The following CCDC63 variants were observed in gnomAD, a reference collection of about 807,000 sequenced individuals.
CCDC63 encodes coiled-coil domain containing 63, also known as coiled-coil domain-containing protein 63.
Under a neutral mutation model 63.6 loss-of-function variants are expected in CCDC63, and 54 were observed. That is an observed-to-expected ratio of 0.85 (90% CI 0.68 to 1.07). CCDC63 has a LOEUF of 1.07. Among genes scored for constraint, CCDC63 ranks in the 50% least tolerant of loss-of-function variants. CCDC63 has a pLI of 0.00. For missense variants in CCDC63, 637 were observed against 689.6 expected, an observed-to-expected ratio of 0.92 and a Z score of 0.86; for synonymous variants, 253 against 266.1, an observed-to-expected ratio of 0.95 and a Z score of 0.48.
chr12:110,865,976 TTTTC>T (rs1189831117), intron 4 of CCDC63, among the ~76,000 whole-genome samples: 2 of 133,192 alleles, frequency 1.5e-5, no homozygotes, highest in African/African-American at 6.3e-5. Context: ...TCAGCAACTT[TTTTC>T]TTTTTTTGTA....
intron 7 of CCDC63, among the ~76,000 whole-genome samples, chr12:110,882,763 G>A (rs2071223965): frequency 6.6e-6 from 1 of 152,158 alleles, no homozygotes; most frequent in Admixed American, 6.5e-5. Context: ...GGGAGTCTGA[G>A]GTGGGAGGAT....
intron 3 of CCDC63, among the ~76,000 whole-genome samples, chr12:110,858,159 A>T (rs536589604): frequency 7.2e-4 from 101 of 140,444 alleles, no homozygotes; most frequent in Admixed American, 3.4e-3. Flanking sequence ...AAATAAAATA[A>T]AAAATAAAAT....
At chr12:110,864,894 A>G (rs1022514052) in intron 4 of CCDC63, among the ~76,000 whole-genome samples, 21 of 152,078 alleles carry the variant, frequency 1.4e-4, no homozygotes, top group Admixed American at 8.5e-4. Context: ...TAGCAGCTCA[A>G]TTTTGCTGTC....
intron 4 of CCDC63, among the ~76,000 whole-genome samples, chr12:110,859,231 CAGGTATTATGGGAAAGAA>C (rs2136653661): frequency 6.6e-6 from 1 of 152,176 alleles, no homozygotes; most frequent in South Asian, 2.1e-4. Context: ...TGAACATTGC[CAGGTATTATGGGAAAGAA>C]AGAGTTCTAG....
intron 3 of CCDC63, among the ~76,000 whole-genome samples, chr12:110,856,482 G>T (rs1358662821): frequency 6.6e-6 from 1 of 152,162 alleles, no homozygotes; most frequent in Non-Finnish European, 1.5e-5. Flanking sequence ...TCCAGGAGGG[G>T]CTTAAGCAGG....
intron 4 of CCDC63, among the ~76,000 whole-genome samples, chr12:110,867,935 C>T (rs1308625373): frequency 9.1e-5 from 13 of 143,402 alleles, no homozygotes; most frequent in African/African-American, 2.6e-4. Context: ...ACTTCTCAGA[C>T]GGGGCAGCTG....
intron 11 of CCDC63, among the ~76,000 whole-genome samples, chr12:110,906,342 GGAGGGA>G (rs2071582267): frequency 7.0e-6 from 1 of 143,268 alleles, no homozygotes. Flanking sequence ...AGGAGGAGGA[GGAGGGA>G]GGGGCGATGA....
chr12:110,867,950 G>C (rs2070997195), intron 4 of CCDC63, among the ~76,000 whole-genome samples: 1 of 149,260 alleles, frequency 6.7e-6, no homozygotes, highest in Admixed American at 6.6e-5. Context: ...CAGCTGCCGG[G>C]CGGAGGGGCT....
intron 8 of CCDC63, among the ~76,000 whole-genome samples, chr12:110,892,107 T>G (rs1440535782): frequency 6.6e-6 from 1 of 152,172 alleles, no homozygotes; most frequent in Non-Finnish European, 1.5e-5. Flanking sequence ...GCATGGGTTC[T>G]GGCATTCTGC....
At position 110,881,211 on chromosome 12, in the gene CCDC63, T is replaced by C. The variant is rs780800778; in HGVS notation, c.768T>C (p.Tyr256=). ...NLEIRELERL[Y]AHESKLKSFL... is the part of the protein sequence containing the mutation. ...AGATCCGAGAGCTGGAGCGTCTCTATGCCCATGAGAGCAAGCTCAAGTCCT... is the reference window on the plus strand; with the variant it reads ...AGATCCGAGAGCTGGAGCGTCTCTACGCCCATGAGAGCAAGCTCAAGTCCT... Residue 256 remains tyrosine, a synonymous_variant, in exon 7 of 12, where the codon TAT becomes TAC. Coordinates refer to ENST00000308208, the MANE Select transcript of CCDC63 (RefSeq NM_152591.3). 16 of 1,613,868 alleles carry C rather than the reference T, an allele frequency of 9.9e-6. No individual in the cohort carries two copies. Among genetic ancestry groups the C allele is most frequent in the Admixed American group, 8.3e-5 (5 of 59,988 alleles).
chr12:110,873,814 G>A (rs765061976), intron 4 of CCDC63, 28 bp from the exon 5 acceptor site: 1 of 1,610,104 alleles, frequency 6.2e-7, no homozygotes, highest in Non-Finnish European at 8.5e-7. Flanking sequence ...TAACACAGCT[G>A]GAATTTCTCT....
chr12:110,874,814 ACCCAC>A (rs1316209622), intron 5 of CCDC63, among the ~76,000 whole-genome samples: 1 of 152,106 alleles, frequency 6.6e-6, no homozygotes, highest in African/African-American at 2.4e-5. Flanking sequence ...TCTCCTCCAA[ACCCAC>A]CCACTGCTAC....
chr12:110,852,786 G>A, intron 1 of CCDC63, 73 bp from the exon 2 acceptor site: 2 of 896,640 alleles, frequency 2.2e-6, no homozygotes, highest in East Asian at 2.4e-5. Flanking sequence ...GGGGGAGGGA[G>A]GAGGTGCCGT....
At chr12:110,886,334 C>T (rs890978686) in intron 8 of CCDC63, among the ~76,000 whole-genome samples, 5 of 151,694 alleles carry the variant, frequency 3.3e-5, no homozygotes, top group Admixed American at 1.3e-4. Flanking sequence ...TGCAGTGAGC[C>T]GAGATGGCGC....
chr12:110,861,726 AT>A (rs68137795), intron 4 of CCDC63, among the ~76,000 whole-genome samples: 3,402 of 138,272 alleles, frequency 0.025, 60 homozygotes, highest in African/African-American at 0.057. Flanking sequence ...TGCCTGGCTA[AT>A]TTTTTTTTTT....
chr12:110,873,710 C>A, intron 4 of CCDC63, 132 bp from the exon 5 acceptor site: 1 of 1,164,820 alleles, frequency 8.6e-7, no homozygotes, highest in Non-Finnish European at 1.2e-6. Context: ...TCTGAGCACA[C>A]TTCAGTTAGT....
intron 10 of CCDC63, 60 bp downstream of exon 10, chr12:110,899,185 G>A (rs957336964): frequency 8.9e-6 from 13 of 1,467,160 alleles, no homozygotes; most frequent in South Asian, 1.3e-5. Flanking sequence ...TTCTGTGACT[G>A]AGCATAAGGC....
rs551166779 is a variant in CCDC63 at position 110,890,066 on chromosome 12, G to A, written c.1075-3010G>A. 2.6e-5 allele frequency among the ~76,000 whole-genome samples: 4 copies of A among 152,160 alleles called. No individual in the cohort carries two copies. The East Asian group carries it at 7.7e-4, about 29-fold the overall frequency. The stretch of plus-strand genomic sequence containing the variant: ...TTAGCACTTTGGGAGGCCGAGGTGG[G>A]CGGATCACTTGAGCCCAGGAGTTTG... On this transcript the variant is annotated intron_variant, in intron 8 of 11. Coordinates refer to ENST00000308208, the MANE Select transcript of CCDC63 (RefSeq NM_152591.3).
chr12:110,853,331 C>T, intron 2 of CCDC63, 74 bp from the exon 3 acceptor site: 1 of 1,468,384 alleles, frequency 6.8e-7, no homozygotes, highest in Non-Finnish European at 9.2e-7. Flanking sequence ...CTGCCCTTCA[C>T]TCTTAAGCCC....
Sources: gnomAD v4.1 joint callset for allele counts (sites outside exome capture counted in the v4.1 genomes callset) on GRCh38, gnomAD v4.1.1 for gene constraint, MANE v1.5 for transcripts, NCBI Gene and HGNC (gene_info 2026-07-23, HGNC 2026-07-21) for gene names.